The following ARHGEF10 variants were observed in gnomAD, a reference collection of about 807,000 sequenced individuals.
ARHGEF10 encodes the protein Rho guanine nucleotide exchange factor (GEF) 10.
ARHGEF10 carries 140 observed loss-of-function variants against 147.4 expected under a neutral mutation model. That is an observed-to-expected ratio of 0.95 (90% confidence interval 0.83 to 1.09). The LOEUF (loss-of-function observed/expected upper bound fraction) is 1.09. Among genes scored for constraint, ARHGEF10 ranks in the 50% least tolerant of loss-of-function variants. The pLI, the probability that ARHGEF10 is intolerant of heterozygous loss-of-function variation, is 0.00. For missense variants in ARHGEF10, 2,222 were observed against 1,752.7 expected (o/e 1.27, Z -4.78); for synonymous variants, 902 against 695.8 (o/e 1.30, Z -4.67).
Position 1,883,535 on chromosome 8 carries a change from G to A in ARHGEF10, c.1075+786G>A, listed in dbSNP as rs190796609. Among the ~76,000 whole-genome samples, 107 of 152,242 alleles carry A rather than the reference G, an allele frequency of 7.0e-4. 1 individual carries two copies. The highest frequency in any genetic ancestry group is 2.1e-3 in the East Asian group (11 of 5,182). Reference sequence around the variant, plus strand: ...ACGTTGTCCCTCAAGGAACGGCCTCGGATACGATGTGTAATTGGTATGACA... The same window carrying A: ...ACGTTGTCCCTCAAGGAACGGCCTCAGATACGATGTGTAATTGGTATGACA... On this transcript the variant is annotated intron_variant, in intron 10 of 28. Coordinates refer to ENST00000349830, the MANE Select transcript of ARHGEF10 (RefSeq NM_014629.4).
intron 15 of ARHGEF10, 95 bp from the exon 16 acceptor site, chr8:1,903,186 G>T: frequency 6.8e-7 from 1 of 1,476,910 alleles, no homozygotes. Context: ...AGATGCCACT[G>T]CCTCCTTTCC....
chr8:1,951,344 G>A (rs931145520), intron 27 of ARHGEF10, among the ~76,000 whole-genome samples: 2 of 152,260 alleles, frequency 1.3e-5, no homozygotes, highest in South Asian at 2.1e-4. Flanking sequence ...ACCGGCTTAC[G>A]TACAGGACAG....
rs749409140 is a variant in ARHGEF10, at chr8:1,894,379, T to C, written c.1261-14T>C. ...AAAGAAAAGTCTGAACTGTCTTTGC[T>C]CATTTTGTCTTAGCAATATGAGAAG... On this transcript the variant is annotated splice_polypyrimidine_tract_variant and intron_variant, in intron 12 of 28. Coordinates refer to ENST00000349830, the MANE Select transcript of ARHGEF10 (RefSeq NM_014629.4). 1.2e-6 allele frequency: 2 copies of C among 1,614,066 alleles called. No homozygotes were observed. The highest frequency in any genetic ancestry group is 1.7e-5 in the Admixed American group (1 of 60,020).
chr8:1,957,760 A>C lies in ARHGEF10; in HGVS notation c.*497A>C, dbSNP rs185595525. On this transcript the variant is annotated 3_prime_UTR_variant, in exon 29 of 29. Transcript: ENST00000349830. ...TTTGAATTTCAGAGTAAAATTTGTTAACAATTTTAAAAGCCAGGTAACACC... is the reference window on the plus strand; with the variant it reads ...TTTGAATTTCAGAGTAAAATTTGTTCACAATTTTAAAAGCCAGGTAACACC... The C allele has an allele frequency of 1.2e-5, 2 of 162,674 alleles. No individual in the cohort carries two copies. The highest frequency in any genetic ancestry group is 5.9e-5 in the Admixed American group (1 of 16,944). 10.1% of individuals were successfully genotyped at this position (162,674 alleles called of 1,614,324 possible).
rs60519090 is a variant in ARHGEF10, at chr8:1,918,460, C to CTGTGTGTG, written c.2144-4466_2144-4459dup. Among the ~76,000 whole-genome samples the CTGTGTGTG allele has an allele frequency of 6.0e-3, 850 of 140,922 alleles. 9 individuals are homozygous for CTGTGTGTG. Among genetic ancestry groups the CTGTGTGTG allele is most frequent in the African/African-American group, 0.018 (663 of 37,464 alleles). The allele number at this position is 140,922 out of a possible 152,430, so 92.5% of individuals were successfully genotyped here. ...CCCATGATAGGTTCACATTTGATGG[C>CTGTGTGTG]TGTGTGTGTGTGTGTGTGTGTGTGT... On this transcript the variant is annotated intron_variant, in intron 18 of 28. Coordinates refer to ENST00000349830, the MANE Select transcript of ARHGEF10 (RefSeq NM_014629.4).
At chr8:1,924,746 A>G (rs1033725593) in intron 21 of ARHGEF10, among the ~76,000 whole-genome samples, 1 of 152,248 alleles carries the variant, frequency 6.6e-6, no homozygotes, top group African/African-American at 2.4e-5. Context: ...GCCACTCTCT[A>G]AAGAGAATGA....
At chr8:1,887,525 T>C (rs1808780963) in intron 11 of ARHGEF10, among the ~76,000 whole-genome samples, 1 of 135,794 alleles carries the variant, frequency 7.4e-6, no homozygotes, top group South Asian at 2.4e-4. Context: ...CTGAGTGGGG[T>C]GAGGGATACG....
At chr8:1,832,580 GCAGAGA>G (rs763463970) in intron 1 of ARHGEF10, among the ~76,000 whole-genome samples, 2,973 of 97,190 alleles carry the variant, frequency 0.031, 240 homozygotes, top group South Asian at 0.062. Flanking sequence ...AGAGACAGAG[GCAGAGA>G]CAGAGACAGA....
chr8:1,851,928 T>C (rs921694010), intron 2 of ARHGEF10, among the ~76,000 whole-genome samples: 2 of 150,312 alleles, frequency 1.3e-5, no homozygotes, highest in Non-Finnish European at 3.0e-5. Context: ...AAAAAAAAAA[T>C]TAATAACCAA....
intron 28 of ARHGEF10, among the ~76,000 whole-genome samples, chr8:1,955,883 C>A (rs1815523953): frequency 6.6e-6 from 1 of 152,374 alleles, no homozygotes; most frequent in Admixed American, 6.5e-5. Context: ...GATGAGCGGG[C>A]CTGTCCCTGC....
intron 2 of ARHGEF10, among the ~76,000 whole-genome samples, chr8:1,853,418 G>A (rs1342526972): frequency 6.6e-6 from 1 of 152,262 alleles, no homozygotes; most frequent in African/African-American, 2.4e-5. Flanking sequence ...AAAGATCCAT[G>A]TCGTCTCAAA....
In ARHGEF10 at chr8:1,839,921, G is replaced by T. The variant is rs368353735; in HGVS notation, c.-47-3432G>T. The stretch of plus-strand genomic sequence containing the variant: ...GACTGTCCGGTGTGGGGACTGTCCG[G>T]TGTGGGGACTGTCTGGTGTGGGGAC... On this transcript the variant is annotated intron_variant, in intron 1 of 28. Transcript: ENST00000349830. 4.8e-3 allele frequency among the ~76,000 whole-genome samples: 717 copies of T among 147,912 alleles called. 3 individuals are homozygous for T. The highest frequency in any genetic ancestry group is 0.017 in the African/African-American group (682 of 39,314).
Position 1,957,007 on chromosome 8 carries a change from C to G in ARHGEF10, c.3779C>G (p.Ser1260Cys), listed in dbSNP as rs1197165625. Residue 1260 changes from serine to cysteine, a missense_variant, in exon 29 of 29, where the codon TCT becomes TGT. Transcript: ENST00000349830. ...CAGAAAAGCGACCTGTCCTCCTCAT[C>G]TGGGTCCCTGAGCTTGTCTCACGGC... The part of the protein sequence containing the change: ...MTQKSDLSSS[S>C]GSLSLSHGSS... 1.2e-6 allele frequency: 2 copies of G among 1,614,138 alleles called. No homozygotes were observed. Among genetic ancestry groups the G allele is most frequent in the South Asian group, 2.2e-5 (2 of 91,090 alleles).
chr8:1,920,787 TTTTG>T (rs979269908), intron 18 of ARHGEF10, among the ~76,000 whole-genome samples: 3 of 152,006 alleles, frequency 2.0e-5, no homozygotes, highest in African/African-American at 7.3e-5. Flanking sequence ...TTTCGTTTTT[TTTTG>T]TTTGTTTGTT....
chr8:1,869,085 C>T, intron 6 of ARHGEF10, 109 bp from the exon 7 acceptor site: 1 of 1,075,250 alleles, frequency 9.3e-7, no homozygotes, highest in Non-Finnish European at 1.4e-6. Flanking sequence ...CCTTATAAAC[C>T]AACTTTTTGA....
In ARHGEF10 at chr8:1,843,802, AGCTCGCCCATGGCGGGT is replaced by A. The variant is rs1231337879; in HGVS notation, c.37+376_37+392del. ...AAGGCCTCGCTCAGGCTTAAAGCTCAGCTCGCCCATGGCGGGTGCTCGCCCAGTTTCCTTTTCTGCCT... is the reference window on the plus strand; with the variant it reads ...AAGGCCTCGCTCAGGCTTAAAGCTCAGCTCGCCCAGTTTCCTTTTCTGCCT... On this transcript the variant is annotated intron_variant, in intron 2 of 28. Transcript: ENST00000349830. Among the ~76,000 whole-genome samples, 4 of 152,330 alleles carry A rather than the reference AGCTCGCCCATGGCGGGT, an allele frequency of 2.6e-5. No individual in the cohort carries two copies. In the East Asian group the frequency reaches 5.8e-4, roughly 22 times the overall value.
At chr8:1,829,985 G>A (rs899635552) in intron 1 of ARHGEF10, among the ~76,000 whole-genome samples, 6 of 152,222 alleles carry the variant, frequency 3.9e-5, no homozygotes, top group Non-Finnish European at 7.3e-5. Flanking sequence ...GCGGTAGCAA[G>A]AAGGAGAGGG....
At chr8:1,865,297 G>T (rs1247093771) in intron 5 of ARHGEF10, among the ~76,000 whole-genome samples, 6 of 152,078 alleles carry the variant, frequency 3.9e-5, no homozygotes, top group Admixed American at 1.3e-4. Flanking sequence ...CAGGACATGG[G>T]GCATCCCCCA....
At chr8:1,914,840 A>C (rs1325068698) in intron 18 of ARHGEF10, among the ~76,000 whole-genome samples, 2 of 152,172 alleles carry the variant, frequency 1.3e-5, no homozygotes, top group Non-Finnish European at 2.9e-5. Flanking sequence ...CCCTTGAACG[A>C]GTACTGAGAG....
Sources: allele counts gnomAD v4.1 joint callset (sites outside exome capture counted in the v4.1 genomes callset), GRCh38; gene constraint gnomAD v4.1.1; transcripts MANE v1.5; gene names NCBI Gene and HGNC (gene_info 2026-07-23, HGNC 2026-07-21).